Variants in HSPA5 observed in about 807,000 individuals in gnomAD.
HSPA5 encodes the protein heat shock protein family A (Hsp70) member 5, also known as endoplasmic reticulum chaperone BiP.
A neutral mutation model predicts 49.5 loss-of-function variants in HSPA5; 16 were observed. The observed-to-expected ratio is 0.32, with a 90% CI of 0.22 to 0.49. HSPA5 has a LOEUF of 0.49. Among genes scored for constraint, HSPA5 ranks in the 20% least tolerant of loss-of-function variants. The pLI is 0.99. For synonymous variants in HSPA5, 271 were observed against 307.2 expected (o/e 0.88, Z 1.23); for missense variants, 376 against 819.0 (o/e 0.46, Z 6.60).
Position 125,239,229 on chromosome 9 carries a change from G to A in HSPA5, c.708C>T (p.Thr236=), listed in dbSNP as rs1424776872. 1.2e-6 allele frequency: 2 copies of A among 1,614,064 alleles called. No homozygotes were observed. Among genetic ancestry groups the A allele is most frequent in the East Asian group, 2.2e-5 (1 of 44,876 alleles). ...GGGTFDVSLL[T]IDNGVFEVVA... is the part of the protein sequence containing the mutation. ...CAACTTCGAAGACACCATTGTCAAT[G>A]GTGAGAAGAGACACATCGAAGGTTC... The change falls in exon 5 of 8, where the codon ACC becomes ACT. Residue 236 remains threonine, a synonymous_variant. Transcript: ENST00000324460. The surrounding 1 kb of genome is among the most constrained non-coding windows in gnomAD (Gnocchi z 5.5).
At position 125,235,210 on chromosome 9, in the gene HSPA5, C is replaced by CTTT. The variant is rs764080853; in HGVS notation, c.*1379_*1381dup. ...ACCTATCCTTGGGCAGTATTGGATT[C>CTTT]TTTTTTTTTTTTTTGAGGTGGAGTC... On this transcript the variant is annotated 3_prime_UTR_variant, in exon 8 of 8. Coordinates refer to ENST00000324460, the MANE Select transcript of HSPA5 (RefSeq NM_005347.5). 1.4e-5 allele frequency: 2 copies of CTTT among 143,150 alleles called. No homozygotes were observed. The highest frequency in any genetic ancestry group is 2.6e-5 in the African/African-American group (1 of 39,110). 8.9% of individuals were successfully genotyped at this position (143,150 alleles called of 1,614,324 possible).
rs763061758 is a variant in HSPA5, at chr9:125,240,980, C to T, written c.122+25G>A. The T allele has an allele frequency of 1.9e-6, 3 of 1,611,638 alleles. No individual in the cohort carries two copies. Among genetic ancestry groups the T allele is most frequent in the South Asian group, 1.1e-5 (1 of 90,806 alleles). On this transcript the variant is annotated intron_variant, in intron 1 of 7. Coordinates refer to ENST00000324460, the MANE Select transcript of HSPA5 (RefSeq NM_005347.5). The surrounding 1 kb of genome is among the most constrained non-coding windows in gnomAD (Gnocchi z 4.4). ...CCAGGCCAGGCGGCCACGCCCCGTC[C>T]CCCTGCATCCGCAACCCCACTTACC...
Position 125,241,261 on chromosome 9 carries a change from G to C in HSPA5, c.-135C>G. 1 of 994,094 alleles carries C rather than the reference G, an allele frequency of 1.0e-6. No homozygotes were observed. Among genetic ancestry groups the C allele is most frequent in the Non-Finnish European group, 1.5e-6 (1 of 677,848 alleles). The allele number at this position is 994,094 out of a possible 1,614,324, so 61.6% of individuals were successfully genotyped here. A position where few individuals can be genotyped will look rare whatever the true frequency, so the allele number is the denominator to read the frequency against. On this transcript the variant is annotated 5_prime_UTR_variant, in exon 1 of 8. Coordinates refer to ENST00000324460, the MANE Select transcript of HSPA5 (RefSeq NM_005347.5). ...ACGAACCAGGCGAAGGGCAGGTCTA[G>C]AAATACAGGCCGCGGCGCTTCCCTC... is the stretch of plus-strand genomic sequence containing the variant.
intron 5 of HSPA5, 31 bp from the exon 6 acceptor site, chr9:125,238,858 T>C: frequency 1.2e-6 from 2 of 1,609,440 alleles, no homozygotes; most frequent in Non-Finnish European, 1.7e-6. Flanking sequence ...CTGTGATGTC[T>C]GTTATCTAAG....
chr9:125,240,629 C>G lies in HSPA5; in HGVS notation c.354+47G>C, dbSNP rs1348084579. On this transcript the variant is annotated intron_variant, in intron 2 of 7. Coordinates refer to ENST00000324460, the MANE Select transcript of HSPA5 (RefSeq NM_005347.5). The surrounding 1 kb of genome is among the most constrained non-coding windows in gnomAD (Gnocchi z 4.4). ...CAGAGACTTATAACTCTAAATACTCCCACCACCCACCCGTTCTCTAACTGG... is the reference window on the plus strand; with the variant it reads ...CAGAGACTTATAACTCTAAATACTCGCACCACCCACCCGTTCTCTAACTGG... The G allele has an allele frequency of 2.7e-6, 4 of 1,492,160 alleles. No homozygotes were observed. The African/African-American group carries it at 5.5e-5, about 21-fold the overall frequency. 92.4% of individuals were successfully genotyped at this position (1,492,160 alleles called of 1,614,324 possible). A position where few individuals can be genotyped will look rare whatever the true frequency, so the allele number is the denominator to read the frequency against.
chr9:125,236,457 T>G lies in HSPA5; in HGVS notation c.*135A>C. 1.7e-6 allele frequency: 1 copy of G among 599,260 alleles called. No individual in the cohort carries two copies. The highest frequency in any genetic ancestry group is 3.0e-5 in the East Asian group (1 of 33,246). 37.1% of individuals were successfully genotyped at this position (599,260 alleles called of 1,614,324 possible). ...TAATGAAAAGCAGTAAACAGCCGCT[T>G]AGGCTATAGCAGTTTCAACTCCACT... On this transcript the variant is annotated 3_prime_UTR_variant, in exon 8 of 8. Coordinates refer to ENST00000324460, the MANE Select transcript of HSPA5 (RefSeq NM_005347.5).
rs1201718437 is a variant in HSPA5, at chr9:125,235,708, T to C, written c.*884A>G. ...TCAGGGATGGAGATTCTGACACAGC[T>C]AGGGTTCACAATATACCTTTACATC... is the stretch of plus-strand genomic sequence containing the variant. On this transcript the variant is annotated 3_prime_UTR_variant, in exon 8 of 8. Transcript: ENST00000324460. The C allele has an allele frequency of 6.6e-6, 1 of 152,102 alleles. No homozygotes were observed. 9.4% of individuals were successfully genotyped at this position (152,102 alleles called of 1,614,324 possible). A position where few individuals can be genotyped will look rare whatever the true frequency, so the allele number is the denominator to read the frequency against.
chr9:125,240,403 G>T lies in HSPA5; in HGVS notation c.355-94C>A. The T allele has an allele frequency of 8.8e-7, 1 of 1,138,316 alleles. No homozygotes were observed. The highest frequency in any genetic ancestry group is 2.0e-4 in the Middle Eastern group (1 of 4,912). 70.5% of individuals were successfully genotyped at this position (1,138,316 alleles called of 1,614,324 possible). On this transcript the variant is annotated intron_variant, in intron 2 of 7. Coordinates refer to ENST00000324460, the MANE Select transcript of HSPA5 (RefSeq NM_005347.5). The surrounding 1 kb of genome is among the most constrained non-coding windows in gnomAD (Gnocchi z 4.4). ...CATCCCCACAATTTGGTTTATTTTG[G>T]TCCCTTGGGGCTGCAAATTGACTAG...
chr9:125,236,536 T>C lies in HSPA5; in HGVS notation c.*56A>G, dbSNP rs1832497571. 2.3e-6 allele frequency: 3 copies of C among 1,290,464 alleles called. No individual in the cohort carries two copies. Among genetic ancestry groups the C allele is most frequent in the Non-Finnish European group, 2.1e-6 (2 of 935,000 alleles). 79.9% of individuals were successfully genotyped at this position (1,290,464 alleles called of 1,614,324 possible). The stretch of plus-strand genomic sequence containing the variant: ...GACTTAAGTTCTTTCAATTTTTTCC[T>C]AACAAAAGTTCCTGAGTCCAGTATT... On this transcript the variant is annotated 3_prime_UTR_variant, in exon 8 of 8. Coordinates refer to ENST00000324460, the MANE Select transcript of HSPA5 (RefSeq NM_005347.5).
chr9:125,236,053 G>A lies in HSPA5; in HGVS notation c.*539C>T, dbSNP rs2131452040. On this transcript the variant is annotated 3_prime_UTR_variant, in exon 8 of 8. Transcript: ENST00000324460. ...GGTCTCAATTAGCTGGGAGACTGAG[G>A]TGGAAGGATCACTTGGGCCCAGGAG... 6.7e-6 allele frequency: 1 copy of A among 148,538 alleles called. No homozygotes were observed. Among genetic ancestry groups the A allele is most frequent in the Non-Finnish European group, 1.5e-5 (1 of 67,754 alleles). The allele number at this position is 148,538 out of a possible 1,614,324, so 9.2% of individuals were successfully genotyped here. A position where few individuals can be genotyped will look rare whatever the true frequency, so the allele number is the denominator to read the frequency against.
rs1832527414 is a variant in HSPA5, at chr9:125,238,758, T to C, written c.1066A>G (p.Ile356Val). ...CCACCAACAAGAACAATTTCATCAA[T>C]ATCAGACTTCTTCAAATCAGAATCT... ...LEDSDLKKSD[I>V]DEIVLVGGST... The change falls in exon 6 of 8, where the codon ATT (isoleucine) becomes GTT (valine). Residue 356 changes from isoleucine to valine, a missense_variant. Physicochemically the swap from Ile to Val is conservative, Grantham distance 29. Coordinates refer to ENST00000324460, the MANE Select transcript of HSPA5 (RefSeq NM_005347.5). 1 of 1,614,064 alleles carries C rather than the reference T, an allele frequency of 6.2e-7. No individual in the cohort carries two copies. The highest frequency in any genetic ancestry group is 1.7e-5 in the Admixed American group (1 of 59,984).
chr9:125,238,119 A>G (rs1323488894), intron 7 of HSPA5, 22 bp downstream of exon 7: 4 of 1,597,614 alleles, frequency 2.5e-6, no homozygotes, highest in Non-Finnish European at 3.4e-6. Context: ...AAGCCATGAT[A>G]TTAACAAACT....
chr9:125,238,367 TTA>T lies in HSPA5; in HGVS notation c.1235-61_1235-60del, dbSNP rs1159193128. ...GTTCTCCCTATGAGCTATGTAAAGTTTATCTCTCTAACATTTGGTTAGGTTCT... is the reference window on the plus strand; with the variant it reads ...GTTCTCCCTATGAGCTATGTAAAGTTTCTCTCTAACATTTGGTTAGGTTCT... On this transcript the variant is annotated intron_variant, in intron 6 of 7. Coordinates refer to ENST00000324460, the MANE Select transcript of HSPA5 (RefSeq NM_005347.5). The T allele has an allele frequency of 2.1e-6, 3 of 1,457,538 alleles. No homozygotes were observed. The African/African-American group carries it at 4.2e-5, about 20-fold the overall frequency. The allele number at this position is 1,457,538 out of a possible 1,614,324, so 90.3% of individuals were successfully genotyped here.
In HSPA5 at chr9:125,239,684, GC is replaced by G; in HGVS notation, c.493-152del. 1.6e-6 allele frequency: 1 copy of G among 607,778 alleles called. No homozygotes were observed. The highest frequency in any genetic ancestry group is 2.9e-6 in the Non-Finnish European group (1 of 344,480). 37.6% of individuals were successfully genotyped at this position (607,778 alleles called of 1,614,324 possible). On this transcript the variant is annotated intron_variant, in intron 3 of 7. Coordinates refer to ENST00000324460, the MANE Select transcript of HSPA5 (RefSeq NM_005347.5). The surrounding 1 kb of genome is among the most constrained non-coding windows in gnomAD (Gnocchi z 5.5). The stretch of plus-strand genomic sequence containing the variant: ...ACCTGAGGGCAGGATTTCAAGACCA[GC>G]CTGGGCAATGTGGAGAAACCCTGTC...
Position 125,238,844 on chromosome 9 carries a change from G to C in HSPA5, c.997-17C>G, listed in dbSNP as rs771120515. 3.7e-6 allele frequency: 6 copies of C among 1,609,774 alleles called. No individual in the cohort carries two copies. The highest frequency in any genetic ancestry group is 3.4e-6 in the Non-Finnish European group (4 of 1,176,356). ...GAACAGATCCTAGAAAAAAGACATG[G>C]TTACTGTGATGTCTGTTATCTAAGT... On this transcript the variant is annotated splice_polypyrimidine_tract_variant and intron_variant, in intron 5 of 7. Transcript: ENST00000324460.
At position 125,236,778 on chromosome 9, in the gene HSPA5, G is replaced by C; in HGVS notation, c.1779C>G (p.Thr593=). The C allele has an allele frequency of 1.2e-6, 2 of 1,612,826 alleles. No homozygotes were observed. The highest frequency in any genetic ancestry group is 1.7e-6 in the Non-Finnish European group (2 of 1,179,520). The change falls in exon 8 of 8, where the codon ACC becomes ACG. Residue 593 remains threonine (T), a synonymous_variant. Coordinates refer to ENST00000324460, the MANE Select transcript of HSPA5 (RefSeq NM_005347.5). ...GGKLSSEDKE[T]MEKAVEEKIE... is the part of the protein sequence containing the mutation. The stretch of plus-strand genomic sequence containing the variant: ...TCTTTTCTTCTACAGCTTTTTCCAT[G>C]GTCTCCTTATCTTCAGAGGAAAGTT...
At position 125,239,723 on chromosome 9, in the gene HSPA5, T is replaced by TAAA. The variant is rs11432886; in HGVS notation, c.493-193_493-191dup. ...GAGAAACCCTGTCTCTACTGAAAAT[T>TAAA]AAAAAAAAAAAAAAAAATTAGCCAG... On this transcript the variant is annotated intron_variant, in intron 3 of 7. Coordinates refer to ENST00000324460, the MANE Select transcript of HSPA5 (RefSeq NM_005347.5). This position sits in a 1 kb window ranked among gnomAD's most constrained non-coding sequence, Gnocchi z 5.5. Among the ~76,000 whole-genome samples the TAAA allele has an allele frequency of 1.0e-3, 137 of 136,944 alleles. 1 individual carries two copies. Among genetic ancestry groups the TAAA allele is most frequent in the African/African-American group, 3.2e-3 (120 of 37,488 alleles). The allele number at this position is 136,944 out of a possible 152,430, so 89.8% of individuals were successfully genotyped here.
Position 125,241,218 on chromosome 9 carries a change from C to T in HSPA5, c.-92G>A, listed in dbSNP as rs765976962. On this transcript the variant is annotated 5_prime_UTR_variant, in exon 1 of 8. Transcript: ENST00000324460. ...TTTCCGACTTGCAGGCGGCAGGGGCCCGGGGTCACAAGGCGCCACGAACCA... is the reference window on the plus strand; with the variant it reads ...TTTCCGACTTGCAGGCGGCAGGGGCTCGGGGTCACAAGGCGCCACGAACCA... 3.8e-5 allele frequency: 56 copies of T among 1,481,064 alleles called. No homozygotes were observed. The highest frequency in any genetic ancestry group is 4.5e-5 in the Non-Finnish European group (50 of 1,104,926). The allele number at this position is 1,481,064 out of a possible 1,614,324, so 91.7% of individuals were successfully genotyped here.
rs772238271 is a variant in HSPA5, at chr9:125,238,694, T to C, written c.1130A>G (p.Glu377Gly). 1 of 1,614,200 alleles carries C rather than the reference T, an allele frequency of 6.2e-7. No individual in the cohort carries two copies. The highest frequency in any genetic ancestry group is 8.5e-7 in the Non-Finnish European group (1 of 1,180,036). ...RIPKIQQLVK[E>G]FFNGKEPSRG... The stretch of plus-strand genomic sequence containing the variant: ...GGATGGTTCCTTGCCATTGAAGAAC[T>C]CTTTAACCAGTTGCTGAATCTTTGG... Residue 377 changes from glutamate to glycine, a missense_variant, in exon 6 of 8, where the codon GAG becomes GGG. Transcript: ENST00000324460.
Sources: gnomAD v4.1 joint callset for allele counts (sites outside exome capture counted in the v4.1 genomes callset) on GRCh38, gnomAD v4.1.1 for gene constraint, Gnocchi (gnomAD v3.1) non-coding constraint, MANE v1.5 for transcripts, NCBI Gene and HGNC (gene_info 2026-07-23, HGNC 2026-07-21) for gene names.